APPL1: variants seen among roughly 807,000 people sequenced by gnomAD.
The protein encoded by APPL1 is adaptor protein, phosphotyrosine interacting with PH domain and leucine zipper 1.
APPL1 carries 42 observed loss-of-function variants against 106.8 expected under a neutral mutation model. The ratio of observed to expected loss-of-function variants is 0.39; its 90% CI spans 0.31 to 0.51. The LOEUF is 0.51. APPL1 is among the 20% of genes least tolerant of loss of function. The pLI, the probability that APPL1 is intolerant of heterozygous loss-of-function variation, is 0.75. For missense variants in APPL1, 769 were observed against 858.2 expected (o/e 0.90, Z 1.30); for synonymous variants, 263 against 281.8 (o/e 0.93, Z 0.67).
intron 12 of APPL1, 42 bp from the exon 13 acceptor site, chr3:57,253,640 T>C: frequency 7.3e-7 from 1 of 1,370,796 alleles, no homozygotes. Context: ...AGAGAAGCTT[T>C]GTAGAAAAAA....
intron 11 of APPL1, 88 bp downstream of exon 11, chr3:57,249,636 G>T: frequency 8.5e-7 from 1 of 1,175,638 alleles, no homozygotes; most frequent in Non-Finnish European, 1.2e-6. Context: ...GAAATTTTAT[G>T]GACATTTTAG....
rs958949125 is a variant in APPL1 at position 57,272,497 on chromosome 3, T to C, written c.*2810T>C. The C allele has an allele frequency of 6.6e-6, 1 of 152,226 alleles. No individual in the cohort carries two copies. Among genetic ancestry groups the C allele is most frequent in the African/African-American group, 2.4e-5 (1 of 41,466 alleles). 9.4% of individuals were successfully genotyped at this position (152,226 alleles called of 1,614,324 possible). A position where few individuals can be genotyped will look rare whatever the true frequency, so the allele number is the denominator to read the frequency against. ...ATGGTAAAGGCATTTGAGTTAATTT[T>C]GCATTATATCTAGGAACCATATTAT... is the stretch of plus-strand genomic sequence containing the variant. On this transcript the variant is annotated 3_prime_UTR_variant, in exon 22 of 22. Coordinates refer to ENST00000288266, the MANE Select transcript of APPL1 (RefSeq NM_012096.3).
At chr3:57,249,578 C>CTATA (rs1456135277) in intron 11 of APPL1, 30 bp downstream of exon 11, 1 of 1,500,364 alleles carries the variant, frequency 6.7e-7, no homozygotes, top group Non-Finnish European at 8.9e-7. Flanking sequence ...TACTACTAAT[C>CTATA]TATAGTATAT....
chr3:57,238,194 A>C, intron 4 of APPL1, 78 bp downstream of exon 4: 1 of 1,057,662 alleles, frequency 9.5e-7, no homozygotes, highest in South Asian at 1.6e-5. Context: ...TATTTTATGA[A>C]TAAAGCTCTA....
chr3:57,258,676 C>CT (rs1298090657), intron 15 of APPL1: 1 of 179,720 alleles, frequency 5.6e-6, no homozygotes, highest in African/African-American at 2.3e-5. Flanking sequence ...CCAGGACATT[C>CT]TTGGCATTTT....
Position 57,246,064 on chromosome 3 carries a change from T to A in APPL1, c.475-12T>A. On this transcript the variant is annotated splice_polypyrimidine_tract_variant and intron_variant, in intron 7 of 21. Transcript: ENST00000288266. ...ATTATTTACTTAATTATTTAAATCT[T>A]TTCATTCAAAGGTGAAGTATGAAGT... 1 of 1,551,400 alleles carries A rather than the reference T, an allele frequency of 6.4e-7. No homozygotes were observed. Among genetic ancestry groups the A allele is most frequent in the Non-Finnish European group, 8.7e-7 (1 of 1,152,672 alleles).
intron 9 of APPL1, 92 bp downstream of exon 9, chr3:57,247,569 C>G (rs116751596): frequency 1.2e-6 from 1 of 835,196 alleles, no homozygotes; most frequent in Admixed American, 2.9e-5. Context: ...ATTTACTTTC[C>G]TGAGGGAATA....
chr3:57,269,400 C>A, intron 21 of APPL1, 141 bp from the exon 22 acceptor site: 2 of 772,618 alleles, frequency 2.6e-6, no homozygotes, highest in South Asian at 3.1e-5. Flanking sequence ...TTGGGTGTAG[C>A]TTTTCTTTTT....
rs1301549943 is a variant in APPL1, at chr3:57,227,905, C to T, written c.22C>T (p.Pro8Ser). The change falls in exon 1 of 22, where the codon CCC becomes TCC. Residue 8 changes from proline (P) to serine (S), a missense_variant. Physicochemically the swap from Pro to Ser is moderately conservative, Grantham distance 74. Transcript: ENST00000288266. The part of the protein sequence containing the change: MPGIDKL[P>S]IEETLEDSPQ... ...CACGATGCCGGGGATCGACAAGCTG[C>T]CCATCGAGGAGACGCTGGAGGACAG... The T allele has an allele frequency of 6.8e-7, 1 of 1,470,408 alleles. No individual in the cohort carries two copies. 91.1% of individuals were successfully genotyped at this position (1,470,408 alleles called of 1,614,324 possible). A position where few individuals can be genotyped will look rare whatever the true frequency, so the allele number is the denominator to read the frequency against.
chr3:57,253,630 A>G (rs1322464329), intron 12 of APPL1, 52 bp from the exon 13 acceptor site: 10 of 1,340,750 alleles, frequency 7.5e-6, no homozygotes, highest in Non-Finnish European at 9.8e-6. Flanking sequence ...TGCCTTTACA[A>G]GAGAAGCTTT....
At chr3:57,261,803 C>T (rs1413954316) in intron 19 of APPL1, among the ~76,000 whole-genome samples, 1 of 152,180 alleles carries the variant, frequency 6.6e-6, no homozygotes, top group Non-Finnish European at 1.5e-5. Flanking sequence ...CAGGCGTGAG[C>T]CACCATACCC....
intron 18 of APPL1, 49 bp downstream of exon 18, chr3:57,260,202 A>G (rs371913503): frequency 3.3e-6 from 5 of 1,521,420 alleles, no homozygotes; most frequent in Non-Finnish European, 4.5e-6. Context: ...TTGTATATAT[A>G]CACATCTTAC....
At chr3:57,264,592 T>A (rs2873609) in intron 19 of APPL1, among the ~76,000 whole-genome samples, 25,284 of 146,976 alleles carry the variant, frequency 0.17, 2,346 homozygotes, top group African/African-American at 0.23. Flanking sequence ...TAAAAAAAAA[T>A]TTTTTTAAAA....
intron 8 of APPL1, 24 bp downstream of exon 8, chr3:57,246,246 T>C (rs775456861): frequency 6.7e-7 from 1 of 1,500,524 alleles, no homozygotes; most frequent in South Asian, 1.4e-5. Context: ...TGTATTTGGA[T>C]TATAACTGTC....
chr3:57,237,551 GGTATT>G lies in APPL1; in HGVS notation c.213+5_213+9del, dbSNP rs753414571. ...AACTTTTAAAAGAATATGAAAAACA[GGTATT>G]GTATATCAAAGTTTTAAAAGCATAA... On this transcript the variant is annotated splice_donor_variant and splice_donor_5th_base_variant and intron_variant, in intron 3 of 21. Coordinates refer to ENST00000288266, the MANE Select transcript of APPL1 (RefSeq NM_012096.3). LOFTEE classifies it high-confidence loss of function. The G allele has an allele frequency of 1.3e-6, 2 of 1,585,356 alleles. No individual in the cohort carries two copies. Among genetic ancestry groups the G allele is most frequent in the African/African-American group, 2.7e-5 (2 of 74,230 alleles).
chr3:57,232,819 G>A (rs1170382992), intron 1 of APPL1, among the ~76,000 whole-genome samples: 14 of 152,036 alleles, frequency 9.2e-5, no homozygotes, highest in African/African-American at 2.7e-4. Flanking sequence ...TGGCTAACAC[G>A]ATGAAACCCC....
chr3:57,246,035 G>A (rs1157521077), intron 7 of APPL1, 41 bp from the exon 8 acceptor site: 1 of 1,405,262 alleles, frequency 7.1e-7, no homozygotes, highest in Non-Finnish European at 9.6e-7. Flanking sequence ...GTAAATAATA[G>A]CAGATTATTT....
At chr3:57,254,617 C>T (rs995056200) in intron 13 of APPL1, among the ~76,000 whole-genome samples, 2 of 152,070 alleles carry the variant, frequency 1.3e-5, no homozygotes, top group African/African-American at 4.8e-5. Flanking sequence ...ATGAAACTAG[C>T]AGTGTAATTA....
chr3:57,263,328 C>T (rs1448575791), intron 19 of APPL1, among the ~76,000 whole-genome samples: 1 of 151,764 alleles, frequency 6.6e-6, no homozygotes, highest in Non-Finnish European at 1.5e-5. Flanking sequence ...ACCGTAGTCC[C>T]CCGTTCTATC....
Sources: gnomAD v4.1 joint callset for allele counts (sites outside exome capture counted in the v4.1 genomes callset) on GRCh38, gnomAD v4.1.1 for gene constraint, MANE v1.5 for transcripts, NCBI Gene and HGNC (gene_info 2026-07-23, HGNC 2026-07-21) for gene names.